UGT1A10: variants seen among roughly 807,000 people sequenced by gnomAD.
The protein encoded by UGT1A10 is UDP-glucuronosyltransferase 1A10.
Under a neutral mutation model 45.8 loss-of-function variants are expected in UGT1A10, and 49 were observed. The observed-to-expected ratio is 1.07, with a 90% CI of 0.85 to 1.36. The LOEUF (loss-of-function observed/expected upper bound fraction) is 1.36. UGT1A10 is among the 40% of genes most tolerant of loss of function. The pLI, the probability that UGT1A10 is intolerant of heterozygous loss-of-function variation, is 0.00. For synonymous variants in UGT1A10, 284 were observed against 249.7 expected (o/e 1.14, Z -1.29); for missense variants, 745 against 668.6 (o/e 1.11, Z -1.26).
rs751991471 is a variant in UGT1A10, at chr2:233,637,244, C to A, written c.722C>A (p.Ala241Glu). The change falls in exon 1 of 5, where the codon GCA becomes GAA. Residue 241 changes from alanine (A) to glutamate (E), a missense_variant. By Grantham distance (107) the Ala-to-Glu change is moderately radical. Coordinates refer to ENST00000344644, the MANE Select transcript of UGT1A10 (RefSeq NM_019075.4). ...GAAATTCTCCAAACCCCTGTCACGG[C>A]ATATGATCTCTACAGTCACACATCA... is the stretch of plus-strand genomic sequence containing the variant. ...ASEILQTPVT[A>E]YDLYSHTSIW... The A allele has an allele frequency of 2.5e-6, 4 of 1,613,972 alleles. No homozygotes were observed. In the Admixed American group the frequency reaches 6.7e-5, roughly 27 times the overall value.
rs546323978 is a variant in UGT1A10, at chr2:233,743,185, G to C, written c.856-23849G>C. On this transcript the variant is annotated intron_variant, in intron 1 of 4. Transcript: ENST00000344644. ...TGTGCTTAAAGTCAAATGTGGACTG[G>C]AATTACTTGGTGTCAATGCGGAGTA... 3 of 372,746 alleles carry C rather than the reference G, an allele frequency of 8.0e-6. No homozygotes were observed. The East Asian group carries it at 2.2e-4, about 27-fold the overall frequency. The allele number at this position is 372,746 out of a possible 1,614,324, so 23.1% of individuals were successfully genotyped here.
At chr2:233,711,625 C>T (rs1317772473) in intron 1 of UGT1A10, among the ~76,000 whole-genome samples, 1 of 152,184 alleles carries the variant, frequency 6.6e-6, no homozygotes, top group Non-Finnish European at 1.5e-5. Context: ...CAGCTCCATT[C>T]GCTGCCTGTC....
intron 1 of UGT1A10, among the ~76,000 whole-genome samples, chr2:233,710,776 G>T (rs28898590): frequency 0.038 from 5,758 of 152,276 alleles, 135 homozygotes; most frequent in Non-Finnish European, 0.057. Context: ...GTCAATTTTA[G>T]CAAACGTTTT....
At chr2:233,653,908 T>C (rs1195067271) in intron 1 of UGT1A10, among the ~76,000 whole-genome samples, 2 of 152,260 alleles carry the variant, frequency 1.3e-5, no homozygotes, top group Non-Finnish European at 2.9e-5. Context: ...AGAAATGTTA[T>C]CTTTCACAGA....
intron 1 of UGT1A10, among the ~76,000 whole-genome samples, chr2:233,716,476 C>T: frequency 6.6e-6 from 1 of 152,028 alleles, no homozygotes; most frequent in Non-Finnish European, 1.5e-5. Flanking sequence ...TGTTTCTGTC[C>T]TCCGTAGTCT....
intron 1 of UGT1A10, among the ~76,000 whole-genome samples, chr2:233,759,538 A>T (rs1009544779): frequency 6.6e-6 from 1 of 152,036 alleles, no homozygotes. Context: ...TTCTGTTCAC[A>T]TGCGCTCCAG....
intron 1 of UGT1A10, among the ~76,000 whole-genome samples, chr2:233,655,457 C>T (rs112857093): frequency 9.3e-4 from 141 of 152,322 alleles, no homozygotes; most frequent in African/African-American, 3.3e-3. Context: ...TCAGAAGGGG[C>T]ACGACTTAAG....
chr2:233,690,220 G>T (rs939015605), intron 1 of UGT1A10, among the ~76,000 whole-genome samples: 5 of 152,112 alleles, frequency 3.3e-5, no homozygotes, highest in African/African-American at 1.2e-4. Flanking sequence ...TGCCATTTTA[G>T]TATTCTAGAT....
At chr2:233,651,603 C>A (rs573744905) in intron 1 of UGT1A10, among the ~76,000 whole-genome samples, 52 of 152,212 alleles carry the variant, frequency 3.4e-4, no homozygotes, top group Admixed American at 7.8e-4. Flanking sequence ...TACAACATAC[C>A]TACAAAAGTG....
intron 1 of UGT1A10, chr2:233,648,852 C>T: frequency 8.3e-7 from 1 of 1,204,474 alleles, no homozygotes; most frequent in South Asian, 1.2e-5. Flanking sequence ...TCAAAAATGC[C>T]TTAAACATAG....
At chr2:233,642,117 C>G (rs535350559) in intron 1 of UGT1A10, among the ~76,000 whole-genome samples, 1 of 152,282 alleles carries the variant, frequency 6.6e-6, no homozygotes, top group African/African-American at 2.4e-5. Context: ...CTTTCTCTAC[C>G]TCCACTTTAT....
chr2:233,707,105 C>A lies in UGT1A10; in HGVS notation c.856-59929C>A, dbSNP rs183320889. Among the ~76,000 whole-genome samples the A allele has an allele frequency of 2.6e-5, 4 of 152,218 alleles. No homozygotes were observed. The East Asian group carries it at 7.7e-4, about 29-fold the overall frequency. On this transcript the variant is annotated intron_variant, in intron 1 of 4. Transcript: ENST00000344644. ...CACTTTGCATGGCAGCTGAGGGACC[C>A]CCAAAATACTCTGCATTAGGCTTTC...
chr2:233,658,054 T>C (rs2073893794), intron 1 of UGT1A10, among the ~76,000 whole-genome samples: 1 of 150,380 alleles, frequency 6.6e-6, no homozygotes, highest in Admixed American at 6.6e-5. Context: ...AGTGTCACTC[T>C]GTCACCCAGG....
intron 1 of UGT1A10, chr2:233,760,240 A>G (rs749913707): frequency 1.2e-6 from 2 of 1,607,210 alleles, no homozygotes; most frequent in South Asian, 2.2e-5. Context: ...TGCCATATAT[A>G]TATATATAAG....
intron 1 of UGT1A10, chr2:233,754,340 T>C (rs17862879): frequency 7.9e-6 from 2 of 252,142 alleles, no homozygotes; most frequent in Non-Finnish European, 1.6e-5. Flanking sequence ...GTTTAATAAA[T>C]AGCAAATTGC....
chr2:233,772,756 T>A lies in UGT1A10; in HGVS notation c.*197T>A. On this transcript the variant is annotated 3_prime_UTR_variant, in exon 5 of 5. Transcript: ENST00000344644. The stretch of plus-strand genomic sequence containing the variant: ...TAGTCAGTAAAGATATTTGAATATG[T>A]ATCGTGCCCCCTCTGGTGTCTTTGA... The A allele has an allele frequency of 1.4e-6, 2 of 1,401,856 alleles. No homozygotes were observed. Among genetic ancestry groups the A allele is most frequent in the Non-Finnish European group, 1.9e-6 (2 of 1,069,170 alleles). 86.8% of individuals were successfully genotyped at this position (1,401,856 alleles called of 1,614,324 possible). A position where few individuals can be genotyped will look rare whatever the true frequency, so the allele number is the denominator to read the frequency against.
chr2:233,725,676 T>G (rs889497108), intron 1 of UGT1A10, among the ~76,000 whole-genome samples: 6 of 152,226 alleles, frequency 3.9e-5, no homozygotes, highest in African/African-American at 9.6e-5. Flanking sequence ...TAGTCACATT[T>G]CAAGTGCTCA....
chr2:233,656,093 G>A (rs1236889813), intron 1 of UGT1A10, among the ~76,000 whole-genome samples: 2 of 152,006 alleles, frequency 1.3e-5, no homozygotes, highest in African/African-American at 4.8e-5. Flanking sequence ...GAACAAACAG[G>A]GTAAACATAC....
chr2:233,719,313 C>T (rs745591224), intron 1 of UGT1A10: 2 of 1,613,954 alleles, frequency 1.2e-6, no homozygotes, highest in Non-Finnish European at 8.5e-7. Flanking sequence ...GGCTAAGTAC[C>T]TGTCGATTCC....
Sources: allele counts gnomAD v4.1 joint callset (sites outside exome capture counted in the v4.1 genomes callset), GRCh38; gene constraint gnomAD v4.1.1; transcripts MANE v1.5; gene names NCBI Gene and HGNC (gene_info 2026-07-23, HGNC 2026-07-21).